Variants in MYO16 observed in about 807,000 individuals in gnomAD.
The protein encoded by MYO16 is myosin XVI.
MYO16 carries 94 observed loss-of-function variants against 205.3 expected under a neutral mutation model. The observed-to-expected ratio is 0.46, with a 90% CI of 0.39 to 0.54. The LOEUF is 0.54. Ranked by LOEUF, MYO16 falls within the 20% of genes least tolerant of loss-of-function variation. The probability of loss-of-function intolerance (pLI) is 0.00; values close to 1 mark genes in which losing one functional copy is unlikely to be tolerated. For synonymous variants in MYO16, 988 were observed against 954.0 expected, an observed-to-expected ratio of 1.04 and a Z score of -0.66; for missense variants, 2,315 against 2,387.5, an observed-to-expected ratio of 0.97 and a Z score of 0.63.
chr13:108,733,926 G>T (rs1273668092), intron 4 of MYO16, among the ~76,000 whole-genome samples: 2 of 152,146 alleles, frequency 1.3e-5, no homozygotes, highest in Middle Eastern at 3.2e-3. Context: ...CCGAGATCGC[G>T]CCATTGCACT....
chr13:109,055,025 T>G lies in MYO16; in HGVS notation c.3049-21T>G, dbSNP rs762029892. On this transcript the variant is annotated intron_variant, in intron 25 of 34. Transcript: ENST00000457511. This position sits in a 1 kb window ranked among gnomAD's most constrained non-coding sequence, Gnocchi z 5.0. ...TTTCCTTTCTTTTCTCCTGTCCTTC[T>G]TGTCTTTCTTTTTATTACAGTTATT... The G allele has an allele frequency of 4.8e-6, 7 of 1,454,492 alleles. No homozygotes were observed. The Admixed American group carries it at 1.2e-4, about 25-fold the overall frequency. 90.1% of individuals were successfully genotyped at this position (1,454,492 alleles called of 1,614,324 possible).
At chr13:109,177,324 T>C (rs1475014116) in intron 33 of MYO16, among the ~76,000 whole-genome samples, 1 of 152,218 alleles carries the variant, frequency 6.6e-6, no homozygotes, top group African/African-American at 2.4e-5. Context: ...GTGGGGACTT[T>C]TCTTCGTTCT....
rs1394314811 is a variant in MYO16 at position 109,040,385 on chromosome 13, C to CACAGAGAGAG, written c.2797-6530_2797-6529insCAGAGAGAGA. Among the ~76,000 whole-genome samples, 40 of 113,282 alleles carry CACAGAGAGAG rather than the reference C, an allele frequency of 3.5e-4. No homozygotes were observed. The East Asian group carries it at 0.01, about 30-fold the overall frequency. The allele number at this position is 113,282 out of a possible 152,430, so 74.3% of individuals were successfully genotyped here. Reference sequence around the variant, plus strand: ...ATACACACACACACACACACACACACAGAGAGAGAGAGAGAGAGAGAGAGA... The same window carrying CACAGAGAGAG: ...ATACACACACACACACACACACACACACAGAGAGAGAGAGAGAGAGAGAGAGAGAGAGAGA... On this transcript the variant is annotated intron_variant, in intron 23 of 34. Coordinates refer to ENST00000457511, the MANE Select transcript of MYO16 (RefSeq NM_001198950.3).
chr13:109,034,181 C>A (rs185466360), intron 23 of MYO16, among the ~76,000 whole-genome samples: 1 of 152,204 alleles, frequency 6.6e-6, no homozygotes, highest in East Asian at 1.9e-4. Flanking sequence ...GGCTGGCTAC[C>A]CTTGGAAAAA....
At chr13:109,165,091 A>C (rs765024487) in intron 33 of MYO16, 32 bp downstream of exon 33, 1 of 1,546,718 alleles carries the variant, frequency 6.5e-7, no homozygotes, top group South Asian at 1.2e-5. Context: ...AAGTAAATGT[A>C]CAAAAGTTTT....
chr13:109,155,212 C>T (rs984645040), intron 32 of MYO16, among the ~76,000 whole-genome samples: 3 of 152,136 alleles, frequency 2.0e-5, no homozygotes, highest in Admixed American at 1.3e-4. Flanking sequence ...CTAGCACAAA[C>T]CATCTCCTTC....
chr13:108,610,877 T>C (rs1879147955), intron 1 of MYO16, among the ~76,000 whole-genome samples: 1 of 152,194 alleles, frequency 6.6e-6, no homozygotes, highest in Admixed American at 6.5e-5. Context: ...TCTGTGTTAG[T>C]GCTCTTTTTC....
At chr13:108,952,153 AT>A (rs1399616530) in intron 16 of MYO16, among the ~76,000 whole-genome samples, 14 of 151,582 alleles carry the variant, frequency 9.2e-5, no homozygotes, top group African/African-American at 2.2e-4. Flanking sequence ...AAATAAATAA[AT>A]AAATAAAACG....
At position 109,140,187 on chromosome 13, in the gene MYO16, C is replaced by T; in HGVS notation, c.4052-77C>T. The T allele has an allele frequency of 6.4e-7, 1 of 1,555,684 alleles. No homozygotes were observed. Among genetic ancestry groups the T allele is most frequent in the Non-Finnish European group, 8.6e-7 (1 of 1,160,288 alleles). On this transcript the variant is annotated intron_variant, in intron 31 of 34. Transcript: ENST00000457511. This position sits in a 1 kb window ranked among gnomAD's most constrained non-coding sequence, Gnocchi z 8.0. ...TCGGGGCACGGGGCCGTGGCTCCCTCCGAGTCGAGCCCCGGGCTTGGTGGG... is the reference window on the plus strand; with the variant it reads ...TCGGGGCACGGGGCCGTGGCTCCCTTCGAGTCGAGCCCCGGGCTTGGTGGG...
chr13:108,937,230 G>C (rs1882529336), intron 16 of MYO16, among the ~76,000 whole-genome samples: 1 of 152,036 alleles, frequency 6.6e-6, no homozygotes, highest in Non-Finnish European at 1.5e-5. Context: ...TAGCCTGATG[G>C]GGTTCCCCCT....
intron 4 of MYO16, among the ~76,000 whole-genome samples, chr13:108,775,728 T>A (rs778392821): frequency 1.3e-5 from 2 of 152,142 alleles, no homozygotes; most frequent in Non-Finnish European, 2.9e-5. Context: ...TTAGCTAGAG[T>A]GATGCCAAAA....
At chr13:108,550,992 C>G in the MYO16 span, among the ~76,000 whole-genome samples, 3 of 152,100 alleles carry the variant, frequency 2.0e-5, no homozygotes, top group African/African-American at 7.2e-5. Context: ...CCCCTTGTGC[C>G]TTTTTATAGA....
chr13:108,976,571 C>T (rs1049492857), intron 20 of MYO16, among the ~76,000 whole-genome samples: 11 of 152,020 alleles, frequency 7.2e-5, no homozygotes, highest in Admixed American at 6.6e-4. Context: ...AAATCTAGAC[C>T]ATCCATTTAT....
intron 27 of MYO16, among the ~76,000 whole-genome samples, chr13:109,080,898 G>T (rs567618981): frequency 6.6e-6 from 1 of 152,170 alleles, no homozygotes; most frequent in Admixed American, 6.6e-5. Context: ...AAAAAATTAG[G>T]ATTTTAGCAA....
chr13:108,731,979 C>T (rs1185729755), intron 4 of MYO16, among the ~76,000 whole-genome samples: 2 of 152,058 alleles, frequency 1.3e-5, no homozygotes, highest in Admixed American at 1.3e-4. Context: ...GTATTCATAC[C>T]GTGTTATAGC....
At chr13:108,586,897 C>G in the MYO16 span, among the ~76,000 whole-genome samples, 5 of 152,134 alleles carry the variant, frequency 3.3e-5, no homozygotes, top group African/African-American at 1.2e-4. Flanking sequence ...GCCTATTTTC[C>G]TATCTTTCCA....
rs78425321 is a variant in MYO16 at position 108,877,601 on chromosome 13, A to C, written c.1426-5458A>C. On this transcript the variant is annotated intron_variant, in intron 12 of 34. Transcript: ENST00000457511. ...GATTTTGTGTGTAATATAGCATCTT[A>C]TAGTTTGAAATAGCACGAGAGAGCT... Among the ~76,000 whole-genome samples the C allele has an allele frequency of 5.9e-5, 9 of 152,340 alleles. No homozygotes were observed. The East Asian group carries it at 1.7e-3, about 29-fold the overall frequency.
chr13:108,945,839 C>T (rs549817871), intron 16 of MYO16, among the ~76,000 whole-genome samples: 6 of 152,146 alleles, frequency 3.9e-5, no homozygotes, highest in African/African-American at 9.6e-5. Context: ...AGAGTGTACA[C>T]GTTTTACTCA....
At chr13:108,852,705 A>C (rs547800400) in intron 10 of MYO16, among the ~76,000 whole-genome samples, 2 of 152,194 alleles carry the variant, frequency 1.3e-5, no homozygotes, top group South Asian at 2.1e-4. Flanking sequence ...AGGAAGTTAC[A>C]TGGTCTCCGT....
Sources: allele counts gnomAD v4.1 joint callset (sites outside exome capture counted in the v4.1 genomes callset), GRCh38; gene constraint gnomAD v4.1.1; non-coding constraint Gnocchi (gnomAD v3.1); transcripts MANE v1.5; gene names NCBI Gene and HGNC (gene_info 2026-07-23, HGNC 2026-07-21).